Variants in MGAT4C observed in about 807,000 individuals in gnomAD.
MGAT4C encodes the protein alpha-1,3-mannosyl-glycoprotein 4-beta-N-acetylglucosaminyltransferase C.
Under a neutral mutation model 40.1 loss-of-function variants are expected in MGAT4C, and 19 were observed. The ratio of observed to expected loss-of-function variants is 0.47; its 90% CI spans 0.33 to 0.70. The LOEUF (loss-of-function observed/expected upper bound fraction) is 0.70. Ranked by LOEUF, MGAT4C falls within the 30% of genes least tolerant of loss-of-function variation. The pLI, the probability that MGAT4C is intolerant of heterozygous loss-of-function variation, is 0.02. For synonymous variants in MGAT4C, 181 were observed against 187.1 expected (o/e 0.97, Z 0.27); for missense variants, 491 against 563.2 (o/e 0.87, Z 1.30).
At chr12:86,679,258 C>T (rs1949933460) in intron 2 of MGAT4C, among the ~76,000 whole-genome samples, 1 of 152,062 alleles carries the variant, frequency 6.6e-6, no homozygotes, top group Non-Finnish European at 1.5e-5. Flanking sequence ...ATATCCTTCA[C>T]CCACTTTTTG....
chr12:86,300,634 A>G (rs956902518), intron 4 of MGAT4C, among the ~76,000 whole-genome samples: 7 of 152,340 alleles, frequency 4.6e-5, no homozygotes, highest in African/African-American at 1.4e-4. Flanking sequence ...ATAATCAACT[A>G]GTAAACATTT....
In MGAT4C at chr12:86,137,701, C is replaced by T. The variant is rs141907355; in HGVS notation, c.-56-87978G>A. ...GTAGGTGCTATGGCCAGATTCCTTC[C>T]GATTACTTTTATCATATCTGCATAC... On this transcript the variant is annotated intron_variant, in intron 1 of 4. Coordinates refer to ENST00000611864, the MANE Select transcript of MGAT4C (RefSeq NM_001351288.2). Among the ~76,000 whole-genome samples the T allele has an allele frequency of 2.3e-3, 351 of 152,210 alleles. 2 individuals are homozygous for T. Among genetic ancestry groups the T allele is most frequent in the African/African-American group, 7.9e-3 (328 of 41,546 alleles).
intron 2 of MGAT4C, among the ~76,000 whole-genome samples, chr12:86,699,310 C>A (rs1950314905): frequency 6.6e-6 from 1 of 152,106 alleles, no homozygotes; most frequent in Non-Finnish European, 1.5e-5. Context: ...AATATAAGCA[C>A]TTAGACTCTT....
At chr12:86,625,092 A>G (rs981201211) in intron 2 of MGAT4C, among the ~76,000 whole-genome samples, 2 of 152,002 alleles carry the variant, frequency 1.3e-5, no homozygotes, top group African/African-American at 2.4e-5. Flanking sequence ...GGCCCTTTAT[A>G]AGGGGATTTT....
chr12:86,010,614 G>T (rs1203688911), intron 2 of MGAT4C, among the ~76,000 whole-genome samples: 1 of 152,148 alleles, frequency 6.6e-6, no homozygotes, highest in Non-Finnish European at 1.5e-5. Flanking sequence ...GGAGGCGGAG[G>T]TTGCAGTGAG....
chr12:86,731,370 A>G (rs1412655464), intron 1 of MGAT4C, among the ~76,000 whole-genome samples: 1 of 151,962 alleles, frequency 6.6e-6, no homozygotes, highest in Non-Finnish European at 1.5e-5. Flanking sequence ...TTCTCTAAGA[A>G]TAATACCCAA....
intron 3 of MGAT4C, among the ~76,000 whole-genome samples, chr12:86,429,570 GT>G (rs527917657): frequency 9.2e-5 from 14 of 151,834 alleles, no homozygotes; most frequent in Non-Finnish European, 1.8e-4. Context: ...TTTTGTTTTT[GT>G]TTTTTTCTTT....
intron 1 of MGAT4C, among the ~76,000 whole-genome samples, chr12:86,147,031 GT>G (rs1297952182): frequency 6.6e-6 from 1 of 152,040 alleles, no homozygotes; most frequent in African/African-American, 2.4e-5. Flanking sequence ...ATTCTTTCTT[GT>G]CTTTAGAATG....
chr12:86,261,934 T>C (rs1475851007), intron 4 of MGAT4C, among the ~76,000 whole-genome samples: 1 of 152,152 alleles, frequency 6.6e-6, no homozygotes, highest in Non-Finnish European at 1.5e-5. Flanking sequence ...TTAACCCATT[T>C]ATGCCTCAGG....
intron 2 of MGAT4C, among the ~76,000 whole-genome samples, chr12:86,719,096 A>C (rs1950696641): frequency 1.3e-5 from 2 of 152,192 alleles, no homozygotes; most frequent in Admixed American, 6.6e-5. Flanking sequence ...TCCAGGTTCA[A>C]GGAAAGTTAA....
At chr12:86,176,652 T>C (rs915802846) in intron 1 of MGAT4C, among the ~76,000 whole-genome samples, 1 of 151,808 alleles carries the variant, frequency 6.6e-6, no homozygotes, top group Non-Finnish European at 1.5e-5. Context: ...AATGGCATGC[T>C]TGTGTGTTTC....
At chr12:86,241,666 AGT>A (rs967449646) in intron 1 of MGAT4C, among the ~76,000 whole-genome samples, 1 of 152,112 alleles carries the variant, frequency 6.6e-6, no homozygotes, top group Non-Finnish European at 1.5e-5. Context: ...ATCAGTAGAG[AGT>A]GTATTAGCAG....
chr12:86,303,767 T>C (rs1187454686), intron 4 of MGAT4C, among the ~76,000 whole-genome samples: 1 of 150,540 alleles, frequency 6.6e-6, no homozygotes, highest in Non-Finnish European at 1.5e-5. Flanking sequence ...AATACACTAA[T>C]TTCATTTTAC....
chr12:86,701,755 T>C (rs973259019), intron 2 of MGAT4C, among the ~76,000 whole-genome samples: 3 of 152,082 alleles, frequency 2.0e-5, no homozygotes, highest in African/African-American at 7.2e-5. Context: ...TTGTGACAAA[T>C]AGCCAATATG....
rs967282723 is a variant in MGAT4C, at chr12:86,414,372, C to T, written c.-120+20785G>A. On this transcript the variant is annotated intron_variant, in intron 3 of 7. Coordinates refer to the MGAT4C transcript ENST00000548651. ...TTTTGTTTTTTAATTATTCTCCTCA[C>T]GGAAATAGTGTTTACAATATTATGT... Among the ~76,000 whole-genome samples, 12 of 152,144 alleles carry T rather than the reference C, an allele frequency of 7.9e-5. No individual in the cohort carries two copies. In the East Asian group the frequency reaches 9.7e-4, roughly 12 times the overall value.
intron 1 of MGAT4C, among the ~76,000 whole-genome samples, chr12:86,811,972 T>A (rs1952485570): frequency 6.6e-6 from 1 of 152,272 alleles, no homozygotes; most frequent in African/African-American, 2.4e-5. Flanking sequence ...TCTCTCAGCA[T>A]TGCTTTAGCT....
At chr12:86,814,668 C>A (rs1952565997) in intron 1 of MGAT4C, among the ~76,000 whole-genome samples, 1 of 151,822 alleles carries the variant, frequency 6.6e-6, no homozygotes, top group African/African-American at 2.4e-5. Context: ...AATCTAATCA[C>A]AATGTGGTGA....
At chr12:86,837,944 G>A (rs931225432) in intron 1 of MGAT4C, among the ~76,000 whole-genome samples, 2 of 152,072 alleles carry the variant, frequency 1.3e-5, no homozygotes, top group South Asian at 4.1e-4. Flanking sequence ...ATATTCAGAA[G>A]TTTTTCAGTT....
At chr12:86,476,842 A>G (rs1957843485) in intron 2 of MGAT4C, among the ~76,000 whole-genome samples, 1 of 152,148 alleles carries the variant, frequency 6.6e-6, no homozygotes, top group South Asian at 2.1e-4. Flanking sequence ...AAAGAAATAT[A>G]GCATGTTCTC....
Sources: gnomAD v4.1 joint callset for allele counts (sites outside exome capture counted in the v4.1 genomes callset) on GRCh38, gnomAD v4.1.1 for gene constraint, MANE v1.5 for transcripts, NCBI Gene and HGNC (gene_info 2026-07-23, HGNC 2026-07-21) for gene names.